PTPRN2: variants seen among roughly 807,000 people sequenced by gnomAD.
The protein encoded by PTPRN2 is receptor-type tyrosine-protein phosphatase N2.
In PTPRN2, 74 loss-of-function variants were observed where a neutral mutation model predicts 118.8. That is an observed-to-expected ratio of 0.62 (90% CI 0.52 to 0.76). The LOEUF is 0.76. Ranked by LOEUF, PTPRN2 falls within the 30% of genes least tolerant of loss-of-function variation. The probability of loss-of-function intolerance (pLI) is 0.00; values close to 1 mark genes in which losing one functional copy is unlikely to be tolerated. For synonymous variants in PTPRN2, 641 were observed against 608.0 expected (o/e 1.05, Z -0.80); for missense variants, 1,481 against 1,394.4 (o/e 1.06, Z -0.99).
intron 14 of PTPRN2, among the ~76,000 whole-genome samples, chr7:157,648,883 G>C (rs1237001081): frequency 7.6e-5 from 10 of 132,138 alleles, no homozygotes; most frequent in East Asian, 3.0e-4. Flanking sequence ...GACCCATCCA[G>C]CGTGCACTGA....
intron 2 of PTPRN2, among the ~76,000 whole-genome samples, chr7:158,340,409 G>C (rs1806463789): frequency 1.5e-5 from 1 of 67,940 alleles, no homozygotes; most frequent in East Asian, 4.4e-4. Context: ...GACACCCGCA[G>C]ACGTCACTCA....
intron 1 of PTPRN2, among the ~76,000 whole-genome samples, chr7:158,564,595 C>T (rs2129451109): frequency 6.6e-6 from 1 of 152,334 alleles, no homozygotes; most frequent in Non-Finnish European, 1.5e-5. Flanking sequence ...AGGCCCTGGC[C>T]CCAGCCCCCA....
intron 11 of PTPRN2, among the ~76,000 whole-genome samples, chr7:157,902,350 G>A (rs538606150): frequency 1.6e-4 from 24 of 152,166 alleles, no homozygotes; most frequent in African/African-American, 2.7e-4. Flanking sequence ...GACCAGCCCC[G>A]CGGTGGCCTG....
intron 22 of PTPRN2, among the ~76,000 whole-genome samples, chr7:157,545,488 G>A (rs553505716): frequency 4.0e-4 from 60 of 151,620 alleles, no homozygotes; most frequent in Middle Eastern, 3.4e-3. Flanking sequence ...GTGGGTGTGC[G>A]CAGTGTGCAG....
rs570453582 is a variant in PTPRN2, at chr7:157,842,622, T to C, written c.1788+56051A>G. On this transcript the variant is annotated intron_variant, in intron 12 of 22. Coordinates refer to ENST00000389418, the MANE Select transcript of PTPRN2 (RefSeq NM_002847.5). Reference sequence around the variant, plus strand: ...TAGAGATGGGGTTTCACCATGTCGGTCAGGCTGGTTTCGAACTCCAGACCT... The same window carrying C: ...TAGAGATGGGGTTTCACCATGTCGGCCAGGCTGGTTTCGAACTCCAGACCT... Among the ~76,000 whole-genome samples the C allele has an allele frequency of 9.9e-5, 15 of 151,988 alleles. No individual in the cohort carries two copies. The South Asian group carries it at 2.5e-3, about 25-fold the overall frequency.
intron 2 of PTPRN2, among the ~76,000 whole-genome samples, chr7:158,411,238 C>T (rs994904493): frequency 1.3e-5 from 2 of 152,228 alleles, no homozygotes; most frequent in African/African-American, 4.8e-5. Flanking sequence ...GGCTTCTTCA[C>T]ACGCTTCCCA....
chr7:158,081,449 G>GA (rs1422389008), intron 10 of PTPRN2, 72 bp from the exon 11 acceptor site: 2 of 1,433,004 alleles, frequency 1.4e-6, no homozygotes, highest in Admixed American at 3.4e-5. Flanking sequence ...AAACGACATG[G>GA]AAAACACTGG....
rs571386308 is a variant in PTPRN2 at position 157,786,548 on chromosome 7, G to C, written c.1789-103611C>G. ...AGTCCCTTGAGGCTGGAAGCACAGA[G>C]TGGCTGTCCCCAGGTAGTTGGTGAC... On this transcript the variant is annotated intron_variant, in intron 12 of 22. Transcript: ENST00000389418. Among the ~76,000 whole-genome samples, 7 of 152,332 alleles carry C rather than the reference G, an allele frequency of 4.6e-5. No homozygotes were observed. The East Asian group carries it at 9.7e-4, about 21-fold the overall frequency.
At chr7:158,484,004 C>A (rs993080791) in intron 2 of PTPRN2, among the ~76,000 whole-genome samples, 5 of 152,068 alleles carry the variant, frequency 3.3e-5, no homozygotes, top group African/African-American at 1.2e-4. Context: ...AATAGCCAGG[C>A]ATGATGGTGT....
chr7:157,978,828 A>T (rs2128826241), intron 11 of PTPRN2, among the ~76,000 whole-genome samples: 1 of 152,066 alleles, frequency 6.6e-6, no homozygotes. Flanking sequence ...TTTGGGGCCA[A>T]CCTCACTGCT....
intron 2 of PTPRN2, among the ~76,000 whole-genome samples, chr7:158,452,508 G>A (rs553778284): frequency 2.0e-5 from 3 of 152,218 alleles, no homozygotes; most frequent in South Asian, 2.1e-4. Flanking sequence ...CTCTGAGCAC[G>A]CCACGCACCT....
At chr7:157,852,741 C>T (rs753537735) in intron 12 of PTPRN2, among the ~76,000 whole-genome samples, 7 of 151,556 alleles carry the variant, frequency 4.6e-5, no homozygotes, top group African/African-American at 7.3e-5. Context: ...TGGTGGTGGG[C>T]GCCTGTAATC....
chr7:157,557,325 A>T (rs963592038), intron 21 of PTPRN2, among the ~76,000 whole-genome samples: 1 of 151,648 alleles, frequency 6.6e-6, no homozygotes. Flanking sequence ...CACACAATAC[A>T]CCCCACATCA....
intron 11 of PTPRN2, among the ~76,000 whole-genome samples, chr7:157,926,711 A>G (rs1023685523): frequency 6.6e-6 from 1 of 152,108 alleles, no homozygotes; most frequent in African/African-American, 2.4e-5. Context: ...ACCCTGTAAA[A>G]TGCTGCTCCT....
In PTPRN2 at chr7:157,649,245, T is replaced by C. The variant is rs374556409; in HGVS notation, c.2196+7112A>G. ...CCAGCGTGCACTGAACTCGGTGGGTTGGACCCATTCACTGTGCACTGAACT... is the reference window on the plus strand; with the variant it reads ...CCAGCGTGCACTGAACTCGGTGGGTCGGACCCATTCACTGTGCACTGAACT... On this transcript the variant is annotated intron_variant, in intron 14 of 22. Transcript: ENST00000389418. Among the ~76,000 whole-genome samples the C allele has an allele frequency of 9.2e-3, 360 of 39,166 alleles. 2 individuals are homozygous for C. The highest frequency in any genetic ancestry group is 0.015 in the East Asian group (11 of 726). 25.7% of individuals were successfully genotyped at this position (39,166 alleles called of 152,430 possible).
intron 12 of PTPRN2, among the ~76,000 whole-genome samples, chr7:157,896,126 C>G (rs1797099156): frequency 6.6e-6 from 1 of 151,122 alleles, no homozygotes; most frequent in Non-Finnish European, 1.5e-5. Context: ...CCAATCCAAG[C>G]AGGGAGTGCC....
rs1355408718 is a variant in PTPRN2, at chr7:157,553,904, C to T, written c.2903-4885G>A. Among the ~76,000 whole-genome samples, 30 of 152,210 alleles carry T rather than the reference C, an allele frequency of 2.0e-4. 1 individual carries two copies. Among genetic ancestry groups the T allele is most frequent in the Admixed American group, 1.9e-3 (29 of 15,288 alleles). On this transcript the variant is annotated intron_variant, in intron 21 of 22. Transcript: ENST00000389418. Reference sequence around the variant, plus strand: ...TTCATAAGGGACAGACCCTGGATAGCCAGGCTCAGGCTGGGCGCCGTATCC... The same window carrying T: ...TTCATAAGGGACAGACCCTGGATAGTCAGGCTCAGGCTGGGCGCCGTATCC...
At chr7:158,336,859 A>G (rs1563165892) in intron 2 of PTPRN2, among the ~76,000 whole-genome samples, 1 of 101,624 alleles carries the variant, frequency 9.8e-6, no homozygotes, top group Non-Finnish European at 2.3e-5. Context: ...CTCTCACCAT[A>G]AGAGCTGTCG....
intron 2 of PTPRN2, among the ~76,000 whole-genome samples, chr7:158,450,616 C>T (rs920571064): frequency 7.2e-5 from 11 of 152,194 alleles, no homozygotes; most frequent in Non-Finnish European, 1.5e-4. Flanking sequence ...ACCAGATTCA[C>T]AGGGCCTGTC....
Sources: gnomAD v4.1 joint callset for allele counts (sites outside exome capture counted in the v4.1 genomes callset) on GRCh38, gnomAD v4.1.1 for gene constraint, MANE v1.5 for transcripts, NCBI Gene and HGNC (gene_info 2026-07-23, HGNC 2026-07-21) for gene names.